Variants in MYH10 observed in about 807,000 individuals in gnomAD.
MYH10 encodes myosin-10.
In MYH10, 55 loss-of-function variants were observed where a neutral mutation model predicts 257.8. That is an observed-to-expected ratio of 0.21 (90% CI 0.17 to 0.27). MYH10 has a LOEUF of 0.27. Ranked by LOEUF, MYH10 falls within the 10% of genes least tolerant of loss-of-function variation. MYH10 has a pLI of 1.00. For missense variants in MYH10, 1,631 were observed against 2,500.6 expected (o/e 0.65, Z 7.42); for synonymous variants, 854 against 921.7 (o/e 0.93, Z 1.33).
chr17:8,559,418 A>C (rs965331027), intron 7 of MYH10, among the ~76,000 whole-genome samples: 2 of 770 alleles, frequency 2.6e-3, no homozygotes, highest in Non-Finnish European at 0.033. Flanking sequence ...GTGATATAAT[A>C]AATAAATTAA....
At chr17:8,572,461 T>C (rs2083382291) in intron 6 of MYH10, among the ~76,000 whole-genome samples, 1 of 152,226 alleles carries the variant, frequency 6.6e-6, no homozygotes, top group Non-Finnish European at 1.5e-5. Flanking sequence ...CATTTTTTGC[T>C]TATCTGTGAT....
chr17:8,546,709 C>T, intron 11 of MYH10, 47 bp from the exon 12 acceptor site: 1 of 1,387,784 alleles, frequency 7.2e-7, no homozygotes, highest in Non-Finnish European at 1.0e-6. Context: ...TACTTACAAT[C>T]TACTCACAAT....
At chr17:8,583,160 A>G (rs1215138257) in intron 4 of MYH10, among the ~76,000 whole-genome samples, 1 of 152,218 alleles carries the variant, frequency 6.6e-6, no homozygotes, top group African/African-American at 2.4e-5. Flanking sequence ...GTAAATGGAC[A>G]TAACAGAGGT....
At chr17:8,625,123 T>C (rs575069192) in intron 1 of MYH10, among the ~76,000 whole-genome samples, 390 of 152,194 alleles carry the variant, frequency 2.6e-3, no homozygotes, top group African/African-American at 9.0e-3. Flanking sequence ...TGGTGGTGGG[T>C]GCCTGTAATC....
Position 8,548,737 on chromosome 17 carries a change from A to G in MYH10, c.970T>C (p.Tyr324His), listed in dbSNP as rs2082525660. The G allele has an allele frequency of 6.2e-7, 1 of 1,613,482 alleles. No homozygotes were observed. Among genetic ancestry groups the G allele is most frequent in the Non-Finnish European group, 8.5e-7 (1 of 1,179,522 alleles). Residue 324 changes from tyrosine to histidine, a missense_variant, in exon 10 of 43, where the codon TAT becomes CAT. Physicochemically the swap from Tyr to His is moderately conservative, Grantham distance 83. This residue lies in a region of MYH10 where 360 missense variants were observed against 581.9 expected (regional missense o/e 0.62). Transcript: ENST00000360416. ...TCTTGCTGTCCCGGAATAGGAATAT[A>G]GCCATTGGAGAGAAACCTGTAGTTA... ...FNNYRFLSNG[Y>H]IPIPGQQDKD...
intron 35 of MYH10, among the ~76,000 whole-genome samples, chr17:8,489,414 C>T (rs973298752): frequency 6.6e-4 from 101 of 152,236 alleles, no homozygotes; most frequent in African/African-American, 2.4e-3. Flanking sequence ...TTCAGTAATT[C>T]CAAATCTGGC....
intron 37 of MYH10, among the ~76,000 whole-genome samples, chr17:8,483,592 C>T (rs1914238092): frequency 6.6e-6 from 1 of 152,164 alleles, no homozygotes; most frequent in Admixed American, 6.5e-5. Context: ...GTTGATTATC[C>T]ATCATTTATA....
At chr17:8,593,999 G>T (rs2084268199) in intron 3 of MYH10, among the ~76,000 whole-genome samples, 1 of 152,196 alleles carries the variant, frequency 6.6e-6, no homozygotes, top group Non-Finnish European at 1.5e-5. Flanking sequence ...CAAAGGAACA[G>T]AGAGTCCTGG....
At chr17:8,498,470 A>G (rs1917009282) in intron 30 of MYH10, among the ~76,000 whole-genome samples, 1 of 152,170 alleles carries the variant, frequency 6.6e-6, no homozygotes, top group African/African-American at 2.4e-5. Context: ...CCTAGGATAA[A>G]TGACTAGACA....
intron 4 of MYH10, among the ~76,000 whole-genome samples, chr17:8,583,507 T>C (rs1430013348): frequency 6.6e-6 from 1 of 152,158 alleles, no homozygotes; most frequent in African/African-American, 2.4e-5. Flanking sequence ...TATTCTCATA[T>C]GGCAATAGGG....
At chr17:8,627,338 GT>G (rs1250463943) in intron 1 of MYH10, among the ~76,000 whole-genome samples, 1 of 152,070 alleles carries the variant, frequency 6.6e-6, no homozygotes, top group East Asian at 1.9e-4. Flanking sequence ...TACGTGAATG[GT>G]CCCAACCCTC....
Position 8,548,651 on chromosome 17 carries a change from C to T in MYH10, c.1056G>A (p.Glu352=). 2 of 1,613,970 alleles carry T rather than the reference C, an allele frequency of 1.2e-6. No individual in the cohort carries two copies. The highest frequency in any genetic ancestry group is 1.7e-6 in the Non-Finnish European group (2 of 1,179,956). Residue 352 remains glutamate, a synonymous_variant, in exon 10 of 43, where the codon GAG becomes GAA. Coordinates refer to ENST00000360416, the MANE Select transcript of MYH10 (RefSeq NM_001256012.3). ...TAGAGAAATCACACATACACAGAAT[C>T]TCTTCATGGGAGAAGCCCATTATGT... ...AMHIMGFSHE[E]ILSMLKVVSS... is the part of the protein sequence containing the mutation.
chr17:8,520,751 T>C, intron 19 of MYH10, 127 bp downstream of exon 19: 1 of 1,020,170 alleles, frequency 9.8e-7, no homozygotes, highest in Non-Finnish European at 1.4e-6. Flanking sequence ...CCTCACTATA[T>C]GTTTGCTATA....
rs75652588 is a variant in MYH10 at position 8,529,175 on chromosome 17, G to A, written c.1957+1448C>T. ...TCCGTGCTTTAGGTGGTCACAGTGG[G>A]AATGGAAGGCGAAGCTGCTGGGGCT... On this transcript the variant is annotated intron_variant, in intron 17 of 42. Transcript: ENST00000360416. Among the ~76,000 whole-genome samples the A allele has an allele frequency of 4.4e-3, 672 of 152,140 alleles. 2 individuals carry two copies. The highest frequency in any genetic ancestry group is 0.016 in the African/African-American group (645 of 41,500).
intron 14 of MYH10, among the ~76,000 whole-genome samples, chr17:8,538,568 G>C (rs1365897534): frequency 6.6e-6 from 1 of 152,112 alleles, no homozygotes; most frequent in Non-Finnish European, 1.5e-5. Context: ...CTCAAATTGA[G>C]GTAAAGAGTG....
At position 8,535,637 on chromosome 17, in the gene MYH10, G is replaced by T; in HGVS notation, c.1779+121C>A. ...GGGCTGTCTGAAAGACAATATGTTT[G>T]TAATATATACTGTATTTGTTTATAA... On this transcript the variant is annotated intron_variant, in intron 15 of 42. Transcript: ENST00000360416. This position sits in a 1 kb window ranked among gnomAD's most constrained non-coding sequence, Gnocchi z 4.3. 8.1e-7 allele frequency: 1 copy of T among 1,231,828 alleles called. No individual in the cohort carries two copies. The highest frequency in any genetic ancestry group is 1.1e-6 in the Non-Finnish European group (1 of 875,282). 76.3% of individuals were successfully genotyped at this position (1,231,828 alleles called of 1,614,324 possible).
intron 2 of MYH10, among the ~76,000 whole-genome samples, chr17:8,613,672 T>C (rs1246619051): frequency 1.3e-5 from 2 of 151,646 alleles, no homozygotes; most frequent in African/African-American, 4.8e-5. Context: ...ATAGAGCGGG[T>C]AGGATAAAAA....
At chr17:8,538,331 G>A (rs1432423338) in intron 14 of MYH10, among the ~76,000 whole-genome samples, 1 of 152,012 alleles carries the variant, frequency 6.6e-6, no homozygotes, top group East Asian at 1.9e-4. Context: ...TCAGCCTCCC[G>A]AGTAGCTGGG....
At chr17:8,533,681 A>G (rs1417979950) in intron 16 of MYH10, among the ~76,000 whole-genome samples, 1 of 152,040 alleles carries the variant, frequency 6.6e-6, no homozygotes, top group Non-Finnish European at 1.5e-5. Context: ...TCATCATGAC[A>G]TTTTTCCCTT....
Sources: allele counts gnomAD v4.1 joint callset (sites outside exome capture counted in the v4.1 genomes callset), GRCh38; gene constraint gnomAD v4.1.1; regional missense constraint gnomAD v4.1.1; non-coding constraint Gnocchi (gnomAD v3.1); transcripts MANE v1.5; gene names NCBI Gene and HGNC (gene_info 2026-07-23, HGNC 2026-07-21).